The following NRG2 variants were observed in gnomAD, a reference collection of about 807,000 sequenced individuals.
NRG2 encodes neuregulin 2.
Under a neutral mutation model 73.9 loss-of-function variants are expected in NRG2, and 27 were observed. The observed-to-expected ratio is 0.37, with a 90% CI of 0.27 to 0.50. The LOEUF is 0.50. NRG2 is among the 20% of genes least tolerant of loss of function. The pLI is 0.96. For missense variants in NRG2, 1,126 were observed against 1,210.1 expected (o/e 0.93, Z 1.03); for synonymous variants, 532 against 541.0 (o/e 0.98, Z 0.23).
intron 1 of NRG2, among the ~76,000 whole-genome samples, chr5:139,994,118 A>G (rs1757853978): frequency 6.6e-6 from 1 of 152,232 alleles, no homozygotes; most frequent in South Asian, 2.1e-4. Flanking sequence ...TTACATTAGC[A>G]TGTGTAATTA....
chr5:139,975,034 T>A (rs1756279140), intron 1 of NRG2, among the ~76,000 whole-genome samples: 1 of 152,238 alleles, frequency 6.6e-6, no homozygotes, highest in Non-Finnish European at 1.5e-5. Context: ...TGAATGCTGA[T>A]ACACAAGCGC....
intron 1 of NRG2, among the ~76,000 whole-genome samples, chr5:139,946,813 T>C (rs972983153): frequency 1.1e-4 from 17 of 152,108 alleles, no homozygotes; most frequent in African/African-American, 3.6e-4. Context: ...AATTTTTTCT[T>C]TGGAGAAATG....
intron 9 of NRG2, among the ~76,000 whole-genome samples, chr5:139,848,906 C>G (rs1024252086): frequency 6.6e-6 from 1 of 152,154 alleles, no homozygotes; most frequent in Non-Finnish European, 1.5e-5. Flanking sequence ...ATCTGTTACG[C>G]GGGCATAACC....
chr5:139,906,375 C>T (rs775282237), intron 1 of NRG2, among the ~76,000 whole-genome samples: 1 of 152,112 alleles, frequency 6.6e-6, no homozygotes, highest in South Asian at 2.1e-4. Context: ...AACCTAAACT[C>T]CTCATGGGTG....
At chr5:139,982,804 G>C (rs186278860) in intron 1 of NRG2, among the ~76,000 whole-genome samples, 96 of 152,260 alleles carry the variant, frequency 6.3e-4, no homozygotes, top group African/African-American at 2.2e-3. Flanking sequence ...CTTTTGTGTC[G>C]TACTCTTAGC....
intron 1 of NRG2, among the ~76,000 whole-genome samples, chr5:139,987,332 C>T (rs1018719754): frequency 1.4e-5 from 2 of 141,146 alleles, no homozygotes; most frequent in Non-Finnish European, 3.0e-5. Flanking sequence ...CGCGCCACTG[C>T]GCTCCAGCCT....
At position 140,008,030 on chromosome 5, in the gene NRG2, G is replaced by A. The variant is rs1012536582; in HGVS notation, c.700+34340C>T. On this transcript the variant is annotated intron_variant, in intron 1 of 9. Coordinates refer to ENST00000361474, the MANE Select transcript of NRG2 (RefSeq NM_004883.3). This position sits in a 1 kb window ranked among gnomAD's most constrained non-coding sequence, Gnocchi z 4.2. ...GTCTGATACTGTGAGACCCACAGCC[G>A]CCAGTCCTATAGTAGGAAGCTGTCA... 6.6e-6 allele frequency among the ~76,000 whole-genome samples: 1 copy of A among 152,158 alleles called. No homozygotes were observed. Among genetic ancestry groups the A allele is most frequent in the Admixed American group, 6.5e-5 (1 of 15,282 alleles).
Position 139,868,790 on chromosome 5 carries a change from G to C in NRG2, c.1112+2931C>G, listed in dbSNP as rs1414138723. 6.6e-6 allele frequency among the ~76,000 whole-genome samples: 1 copy of C among 152,122 alleles called. No homozygotes were observed. Among genetic ancestry groups the C allele is most frequent in the Non-Finnish European group, 1.5e-5 (1 of 68,018 alleles). On this transcript the variant is annotated intron_variant, in intron 4 of 9. Transcript: ENST00000361474. The surrounding 1 kb of genome is among the most constrained non-coding windows in gnomAD (Gnocchi z 4.2). The stretch of plus-strand genomic sequence containing the variant: ...GAGTGAAGGGCCTCTGAGTTCATGA[G>C]AGGGGTGAAGATGTGGCGAGGATGA...
chr5:139,867,798 A>ATG (rs1762572344), intron 4 of NRG2, among the ~76,000 whole-genome samples: 2 of 57,254 alleles, frequency 3.5e-5, no homozygotes, highest in South Asian at 6.1e-4. Flanking sequence ...GTGTGTGTGT[A>ATG]TGAGTGTGTG....
intron 1 of NRG2, among the ~76,000 whole-genome samples, chr5:140,022,329 A>C (rs1760306651): frequency 6.6e-6 from 1 of 152,154 alleles, no homozygotes; most frequent in African/African-American, 2.4e-5. Flanking sequence ...GATATCCCTA[A>C]ATACATATTT....
At chr5:139,966,181 A>G (rs967343609) in intron 1 of NRG2, among the ~76,000 whole-genome samples, 4 of 152,156 alleles carry the variant, frequency 2.6e-5, no homozygotes, top group South Asian at 2.1e-4. Flanking sequence ...TCCATTGCCA[A>G]CGAAACACAG....
intron 1 of NRG2, among the ~76,000 whole-genome samples, chr5:139,973,518 C>T (rs1756141984): frequency 6.6e-6 from 1 of 152,130 alleles, no homozygotes; most frequent in Non-Finnish European, 1.5e-5. Flanking sequence ...TGTGCCTACA[C>T]CCCTGGCTAA....
At chr5:139,862,807 C>T (rs1762241447) in intron 5 of NRG2, among the ~76,000 whole-genome samples, 1 of 152,206 alleles carries the variant, frequency 6.6e-6, no homozygotes, top group Non-Finnish European at 1.5e-5. Context: ...AGTATGTGTG[C>T]TCTTTTACAT....
At chr5:139,860,923 T>C (rs925000495) in intron 5 of NRG2, among the ~76,000 whole-genome samples, 2 of 152,046 alleles carry the variant, frequency 1.3e-5, no homozygotes, top group African/African-American at 2.4e-5. Flanking sequence ...CCTAGGAGGT[T>C]TGCAAACCTG....
intron 1 of NRG2, among the ~76,000 whole-genome samples, chr5:139,982,571 G>A (rs1051736842): frequency 1.2e-4 from 18 of 152,196 alleles, no homozygotes; most frequent in Admixed American, 1.0e-3. Context: ...CAATTAGAAG[G>A]GAAGAGCTAT....
At chr5:139,920,674 A>G (rs1030923948) in intron 1 of NRG2, among the ~76,000 whole-genome samples, 2 of 152,218 alleles carry the variant, frequency 1.3e-5, no homozygotes, top group African/African-American at 4.8e-5. Context: ...TGCTTCTCTG[A>G]GACCTCAAAG....
chr5:139,909,701 A>G (rs1765463238), intron 1 of NRG2, among the ~76,000 whole-genome samples: 1 of 152,112 alleles, frequency 6.6e-6, no homozygotes, highest in Non-Finnish European at 1.5e-5. Flanking sequence ...TCAAAATGCC[A>G]CTCCCTGCAG....
intron 3 of NRG2, among the ~76,000 whole-genome samples, chr5:139,879,987 T>G (rs1763424681): frequency 6.6e-6 from 1 of 152,106 alleles, no homozygotes; most frequent in South Asian, 2.1e-4. Flanking sequence ...TAGGGCATAT[T>G]GGGAGGCTGT....
In NRG2 at chr5:139,990,882, G is replaced by A. The variant is rs112215381; in HGVS notation, c.700+51488C>T. Among the ~76,000 whole-genome samples, 567 of 152,136 alleles carry A rather than the reference G, an allele frequency of 3.7e-3. 15 individuals carry two copies. The highest frequency in any genetic ancestry group is 0.034 in the Admixed American group (526 of 15,280). On this transcript the variant is annotated intron_variant, in intron 1 of 9. Coordinates refer to ENST00000361474, the MANE Select transcript of NRG2 (RefSeq NM_004883.3). ...TTAATTTGTAAGAGTTGTTTTTTGC[G>A]TATCCTTAACACTAATCCTTTGCTG...
Sources: gnomAD v4.1 joint callset for allele counts (sites outside exome capture counted in the v4.1 genomes callset) on GRCh38, gnomAD v4.1.1 for gene constraint, Gnocchi (gnomAD v3.1) non-coding constraint, MANE v1.5 for transcripts, NCBI Gene and HGNC (gene_info 2026-07-23, HGNC 2026-07-21) for gene names.